CNNM4: variants seen among roughly 807,000 people sequenced by gnomAD.
CNNM4 encodes cyclin and CBS domain divalent metal cation transport mediator 4.
CNNM4 carries 32 observed loss-of-function variants against 53.7 expected under a neutral mutation model. The ratio of observed to expected loss-of-function variants is 0.60; its 90% CI spans 0.45 to 0.80. The LOEUF (loss-of-function observed/expected upper bound fraction) is 0.80, where lower values mean the gene tolerates loss of function less well. Among genes scored for constraint, CNNM4 ranks in the 30% least tolerant of loss-of-function variants. The pLI, the probability that CNNM4 is intolerant of heterozygous loss-of-function variation, is 0.00. For missense variants in CNNM4, 784 were observed against 1,022.0 expected, an observed-to-expected ratio of 0.77 and a Z score of 3.17; for synonymous variants, 410 against 440.0, an observed-to-expected ratio of 0.93 and a Z score of 0.85.
rs1404013457 is a variant in CNNM4 at position 96,800,813 on chromosome 2, T to C, written c.1948+1165T>C. ...GGCCCAGGCTCTGTCCGTTGACCCA[T>C]AGTCTCTCTGTTCCCACTTGGTGTG... On this transcript the variant is annotated intron_variant, in intron 5 of 6. Coordinates refer to ENST00000377075, the MANE Select transcript of CNNM4 (RefSeq NM_020184.4). This position sits in a 1 kb window ranked among gnomAD's most constrained non-coding sequence, Gnocchi z 4.6. Among the ~76,000 whole-genome samples the C allele has an allele frequency of 6.6e-6, 1 of 152,174 alleles. No individual in the cohort carries two copies. The highest frequency in any genetic ancestry group is 1.5e-5 in the Non-Finnish European group (1 of 67,996).
chr2:96,766,164 T>A (rs919929917), intron 1 of CNNM4, among the ~76,000 whole-genome samples: 1 of 145,654 alleles, frequency 6.9e-6, no homozygotes, highest in African/African-American at 2.5e-5. Context: ...AACCTCCACC[T>A]CCCAGGTTCA....
chr2:96,784,981 G>A (rs1048557463), intron 1 of CNNM4, among the ~76,000 whole-genome samples: 7 of 152,166 alleles, frequency 4.6e-5, no homozygotes, highest in Non-Finnish European at 1.0e-4. Flanking sequence ...GGGTTCAAGC[G>A]ATTCTCATGC....
chr2:96,773,795 A>T (rs2078899687), intron 1 of CNNM4, among the ~76,000 whole-genome samples: 1 of 151,330 alleles, frequency 6.6e-6, no homozygotes, highest in African/African-American at 2.4e-5. Context: ...GTGAGCCAAG[A>T]TCATGCCACT....
intron 1 of CNNM4, among the ~76,000 whole-genome samples, chr2:96,768,300 C>A (rs1211408753): frequency 6.6e-6 from 1 of 152,210 alleles, no homozygotes; most frequent in African/African-American, 2.4e-5. Flanking sequence ...ATTTGTTCAA[C>A]CAACAGTGAC....
intron 1 of CNNM4, among the ~76,000 whole-genome samples, chr2:96,780,339 G>A (rs1023698061): frequency 6.6e-6 from 1 of 151,802 alleles, no homozygotes; most frequent in African/African-American, 2.4e-5. Flanking sequence ...TAGTTCTGGC[G>A]CCAGCTGCCT....
At chr2:96,805,425 T>G (rs983948188) in intron 5 of CNNM4, among the ~76,000 whole-genome samples, 2 of 139,790 alleles carry the variant, frequency 1.4e-5, no homozygotes, top group Non-Finnish European at 1.5e-5. Context: ...TCAGTTTTTT[T>G]TTTTTTTTTT....
chr2:96,765,891 C>G (rs369284671), intron 1 of CNNM4, among the ~76,000 whole-genome samples: 6 of 147,322 alleles, frequency 4.1e-5, no homozygotes, highest in Non-Finnish European at 9.0e-5. Context: ...ACCTCCGATT[C>G]TCCTGTCTCA....
chr2:96,797,399 T>C lies in CNNM4; in HGVS notation c.1547-114T>C. ...GCCCAGGACCCTGCCAGCCAGAGCCTGCTGCTCCTGCGTGGGACTAGGGGC... is the reference window on the plus strand; with the variant it reads ...GCCCAGGACCCTGCCAGCCAGAGCCCGCTGCTCCTGCGTGGGACTAGGGGC... On this transcript the variant is annotated intron_variant, in intron 2 of 6. Transcript: ENST00000377075. This position sits in a 1 kb window ranked among gnomAD's most constrained non-coding sequence, Gnocchi z 6.0. 2 of 1,506,998 alleles carry C rather than the reference T, an allele frequency of 1.3e-6. No homozygotes were observed. The highest frequency in any genetic ancestry group is 1.4e-5 in the African/African-American group (1 of 73,092). 93.4% of individuals were successfully genotyped at this position (1,506,998 alleles called of 1,614,324 possible). A position where few individuals can be genotyped will look rare whatever the true frequency, so the allele number is the denominator to read the frequency against.
chr2:96,763,589 C>T (rs895323102), intron 1 of CNNM4, among the ~76,000 whole-genome samples: 2 of 152,108 alleles, frequency 1.3e-5, no homozygotes, highest in Non-Finnish European at 2.9e-5. Context: ...GGAGGGACTT[C>T]GGAATCCTAG....
chr2:96,793,795 C>G (rs987203281), intron 1 of CNNM4, among the ~76,000 whole-genome samples: 1 of 152,184 alleles, frequency 6.6e-6, no homozygotes, highest in African/African-American at 2.4e-5. Context: ...GAAACCCCGT[C>G]TCTACTAAAA....
At chr2:96,765,655 CCTT>C (rs1271824193) in intron 1 of CNNM4, among the ~76,000 whole-genome samples, 1 of 152,160 alleles carries the variant, frequency 6.6e-6, no homozygotes, top group East Asian at 1.9e-4. Context: ...AGAGGCCATG[CCTT>C]CTTAGTGTTT....
intron 5 of CNNM4, among the ~76,000 whole-genome samples, chr2:96,806,151 G>A (rs928852703): frequency 2.9e-4 from 44 of 151,302 alleles, no homozygotes; most frequent in African/African-American, 1.0e-3. Context: ...CCGCCCTCCC[G>A]GACGGGGCGG....
Position 96,761,686 on chromosome 2 carries a change from C to T in CNNM4, c.687C>T (p.Ala229=). The T allele has an allele frequency of 6.2e-7, 1 of 1,610,410 alleles. No individual in the cohort carries two copies. Among genetic ancestry groups the T allele is most frequent in the Non-Finnish European group, 8.5e-7 (1 of 1,179,992 alleles). The change falls in exon 1 of 7, where the codon GCC becomes GCT. Residue 229 remains alanine, a synonymous_variant. Coordinates refer to ENST00000377075, the MANE Select transcript of CNNM4 (RefSeq NM_020184.4). The surrounding 1 kb of genome is among the most constrained non-coding windows in gnomAD (Gnocchi z 6.0). ...NCGTEKERRY[A]RKIEPIRRKG... The stretch of plus-strand genomic sequence containing the variant: ...GCACCGAGAAGGAGAGGCGCTATGC[C>T]CGCAAGATTGAGCCCATCCGGCGCA...
At chr2:96,775,310 A>G (rs904596759) in intron 1 of CNNM4, among the ~76,000 whole-genome samples, 1 of 152,094 alleles carries the variant, frequency 6.6e-6, no homozygotes, top group Non-Finnish European at 1.5e-5. Flanking sequence ...TAAGTGAATC[A>G]TATCATATAT....
intron 5 of CNNM4, among the ~76,000 whole-genome samples, chr2:96,804,405 AT>A (rs1243383808): frequency 3.0e-3 from 274 of 89,874 alleles, no homozygotes; most frequent in Admixed American, 2.7e-3. Context: ...TAAGTTTTGT[AT>A]TTTTTTTTTT....
At chr2:96,779,498 G>C (rs1307956821) in intron 1 of CNNM4, among the ~76,000 whole-genome samples, 1 of 123,972 alleles carries the variant, frequency 8.1e-6, no homozygotes, top group East Asian at 2.4e-4. Context: ...GACAGAGCAA[G>C]ACCTCGTCTC....
intron 1 of CNNM4, among the ~76,000 whole-genome samples, chr2:96,763,545 A>G (rs891249851): frequency 2.0e-4 from 31 of 152,186 alleles, no homozygotes; most frequent in African/African-American, 7.0e-4. Flanking sequence ...GAGAGCTCCT[A>G]CTGGCTGAGG....
In CNNM4 at chr2:96,799,103, G is replaced by T; in HGVS notation, c.1728G>T (p.Leu576=). The T allele has an allele frequency of 9.3e-6, 15 of 1,614,146 alleles. No individual in the cohort carries two copies. The highest frequency in any genetic ancestry group is 1.2e-5 in the Non-Finnish European group (14 of 1,179,996). Residue 576 remains leucine, a synonymous_variant, in exon 4 of 7, where the codon CTG becomes CTT. Transcript: ENST00000377075. ...CCCTGATATCAGAGAAGATCCTGCTGCGGCTACTCAAGTACCCAGATGTCA... is the reference window on the plus strand; with the variant it reads ...CCCTGATATCAGAGAAGATCCTGCTTCGGCTACTCAAGTACCCAGATGTCA... ...SPSLISEKIL[L]RLLKYPDVIQ... is the part of the protein sequence containing the mutation.
At chr2:96,767,379 T>C (rs572004988) in intron 1 of CNNM4, among the ~76,000 whole-genome samples, 9 of 152,260 alleles carry the variant, frequency 5.9e-5, no homozygotes, top group African/African-American at 2.2e-4. Flanking sequence ...CTGTTTGCAG[T>C]ACTGGGTGTT....
Sources: allele counts gnomAD v4.1 joint callset (sites outside exome capture counted in the v4.1 genomes callset), GRCh38; gene constraint gnomAD v4.1.1; non-coding constraint Gnocchi (gnomAD v3.1); transcripts MANE v1.5; gene names NCBI Gene and HGNC (gene_info 2026-07-23, HGNC 2026-07-21).